Variants in CHM observed in about 807,000 individuals in gnomAD.
CHM encodes the protein CHM Rab escort protein, also known as rab proteins geranylgeranyltransferase component A 1.
CHM carries 10 observed loss-of-function variants against 49.0 expected under a neutral mutation model. The ratio of observed to expected loss-of-function variants is 0.20; its 90% CI spans 0.13 to 0.35. CHM has a LOEUF of 0.35. CHM is among the 10% of genes least tolerant of loss of function. The pLI, the probability that CHM is intolerant of heterozygous loss-of-function variation, is 1.00. For synonymous variants in CHM, 184 were observed against 167.5 expected (o/e 1.10, Z -0.76); for missense variants, 455 against 478.4 (o/e 0.95, Z 0.46).
intron 8 of CHM, among the ~76,000 whole-genome samples, chrX:85,935,166 C>T (rs1379727266): frequency 9.0e-6 from 1 of 111,273 alleles, no homozygotes; most frequent in African/African-American, 3.3e-5. Context: ...AGATGTGTCA[C>T]ACAGTAAAAG....
chrX:85,953,280 C>G (rs957844751), intron 8 of CHM, among the ~76,000 whole-genome samples: 1 of 111,504 alleles, frequency 9.0e-6, no homozygotes, highest in African/African-American at 3.3e-5. Context: ...GAAGAGGACA[C>G]AAAGAAATGG....
At chrX:86,021,083 CAT>C (rs1243158076) in intron 2 of CHM, among the ~76,000 whole-genome samples, 6 of 90,465 alleles carry the variant, frequency 6.6e-5, no homozygotes, top group South Asian at 5.2e-4. Context: ...TATATACACA[CAT>C]ATATATACAC....
At chrX:86,003,138 G>A (rs1932781292) in intron 2 of CHM, among the ~76,000 whole-genome samples, 1 of 112,031 alleles carries the variant, frequency 8.9e-6, no homozygotes, top group Non-Finnish European at 1.9e-5. Flanking sequence ...TGGACCTCCA[G>A]CAAACTCCAA....
chrX:85,972,946 T>C (rs768645904), intron 4 of CHM, among the ~76,000 whole-genome samples: 320 of 111,883 alleles, frequency 2.9e-3, no homozygotes, highest in African/African-American at 9.9e-3. Flanking sequence ...ACATTGTTTA[T>C]AACCAAGAAA....
intron 2 of CHM, among the ~76,000 whole-genome samples, chrX:85,998,844 T>C (rs1367544119): frequency 5.4e-5 from 6 of 111,766 alleles, no homozygotes; most frequent in Non-Finnish European, 1.1e-4. Flanking sequence ...ACAATCTATA[T>C]TGATGGTCTA....
intron 2 of CHM, among the ~76,000 whole-genome samples, chrX:85,998,067 T>C (rs1932524466): frequency 8.9e-6 from 1 of 111,882 alleles, no homozygotes; most frequent in Non-Finnish European, 1.9e-5. Flanking sequence ...AAGAAATCTA[T>C]TGGGATGAAT....
At chrX:85,963,314 G>T (rs1273047304) in intron 5 of CHM, among the ~76,000 whole-genome samples, 2 of 111,878 alleles carry the variant, frequency 1.8e-5, no homozygotes, top group African/African-American at 6.5e-5. Context: ...ATACATAAAG[G>T]CTAAAAGAAT....
At chrX:86,021,122 ATACG>A (rs1233890808) in intron 2 of CHM, among the ~76,000 whole-genome samples, 1 of 43,884 alleles carries the variant, frequency 2.3e-5, no homozygotes, top group Non-Finnish European at 3.8e-5. Flanking sequence ...ATATGTGTAT[ATACG>A]TATATATATA....
At chrX:85,911,864 G>GT (rs1374770586) in intron 8 of CHM, among the ~76,000 whole-genome samples, 1 of 111,563 alleles carries the variant, frequency 9.0e-6, no homozygotes, top group Non-Finnish European at 1.9e-5. Flanking sequence ...CCTAGGGAGT[G>GT]TGTCTATCTC....
At chrX:85,985,525 G>A (rs963155302) in intron 2 of CHM, among the ~76,000 whole-genome samples, 3 of 110,924 alleles carry the variant, frequency 2.7e-5, no homozygotes, top group Non-Finnish European at 1.9e-5. Context: ...GGACGGAAGC[G>A]GTCCACCAGC....
At chrX:86,030,528 C>A (rs911055762) in intron 1 of CHM, among the ~76,000 whole-genome samples, 2 of 111,650 alleles carry the variant, frequency 1.8e-5, no homozygotes, top group Non-Finnish European at 3.8e-5. Flanking sequence ...AGAGAACAAA[C>A]TGTGCTAGGT....
intron 1 of CHM, among the ~76,000 whole-genome samples, chrX:86,044,373 A>G (rs1392053578): frequency 8.9e-6 from 1 of 112,372 alleles, no homozygotes; most frequent in Non-Finnish European, 1.9e-5. Context: ...AGAAGTTGAT[A>G]ACATTCCTTG....
At chrX:85,961,529 A>C (rs2147671842) in intron 5 of CHM, among the ~76,000 whole-genome samples, 1 of 109,227 alleles carries the variant, frequency 9.2e-6, no homozygotes, top group African/African-American at 3.3e-5. Context: ...TAGAACAGAT[A>C]AAATTTCTAA....
rs934686090 is a variant in CHM at position 86,009,152 on chromosome X, T to C, written c.116+18339A>G. Among the ~76,000 whole-genome samples the C allele has an allele frequency of 4.5e-5, 5 of 112,129 alleles. No homozygotes were observed. In the Admixed American group the frequency reaches 4.7e-4, roughly 11 times the overall value. ...TAACAAAGGTAAGGAAGGTCCTTCA[T>C]ATGACAAGATGATGCCAGGATATGT... On this transcript the variant is annotated intron_variant, in intron 2 of 14. Transcript: ENST00000357749.
intron 10 of CHM, 141 bp from the exon 11 acceptor site, chrX:85,900,850 C>A: frequency 1.8e-6 from 1 of 552,059 alleles, no homozygotes; most frequent in Non-Finnish European, 3.1e-6. Context: ...TCAAGTTCGG[C>A]TTTAATCTTT....
chrX:86,011,551 C>A (rs1023759801), intron 2 of CHM, among the ~76,000 whole-genome samples: 7 of 111,614 alleles, frequency 6.3e-5, no homozygotes, highest in African/African-American at 2.3e-4. Context: ...ACAACAGGAA[C>A]CCTCAATTCT....
chrX:85,867,069 C>T (rs941124253), intron 14 of CHM, among the ~76,000 whole-genome samples: 1 of 111,673 alleles, frequency 9.0e-6, no homozygotes, highest in Non-Finnish European at 1.9e-5. Flanking sequence ...GTGAAAAGGA[C>T]ATGAGATTTG....
chrX:85,942,887 T>C (rs1374153314), intron 8 of CHM, among the ~76,000 whole-genome samples: 1 of 104,478 alleles, frequency 9.6e-6, no homozygotes, highest in Non-Finnish European at 2.0e-5. Context: ...ATTAGGTATA[T>C]CTCTTAATGC....
intron 4 of CHM, among the ~76,000 whole-genome samples, chrX:85,972,065 A>G (rs1930954142): frequency 9.1e-6 from 1 of 110,111 alleles, no homozygotes; most frequent in Non-Finnish European, 1.9e-5. Flanking sequence ...CGATTGGTGC[A>G]CTCACAAACC....
Sources: gnomAD v4.1 joint callset for allele counts (sites outside exome capture counted in the v4.1 genomes callset) on GRCh38, gnomAD v4.1.1 for gene constraint, MANE v1.5 for transcripts, NCBI Gene and HGNC (gene_info 2026-07-23, HGNC 2026-07-21) for gene names.